Variants in BUB1B observed in about 807,000 individuals in gnomAD.
The protein encoded by BUB1B is BUB1 mitotic checkpoint serine/threonine kinase B, also known as mitotic checkpoint serine/threonine-protein kinase BUB1 beta.
A neutral mutation model predicts 137.7 loss-of-function variants in BUB1B; 86 were observed. The observed-to-expected ratio is 0.62, with a 90% CI of 0.52 to 0.75. BUB1B has a LOEUF of 0.75. BUB1B is among the 30% of genes least tolerant of loss of function. The probability of loss-of-function intolerance (pLI) is 0.00; values close to 1 mark genes in which losing one functional copy is unlikely to be tolerated. For synonymous variants in BUB1B, 420 were observed against 417.9 expected (o/e 1.00, Z -0.06); for missense variants, 1,130 against 1,236.9 (o/e 0.91, Z 1.30).
At position 40,206,583 on chromosome 15, in the gene BUB1B, A is replaced by G. The variant is rs894805413; in HGVS notation, c.2009+125A>G. The G allele has an allele frequency of 2.1e-5, 25 of 1,208,208 alleles. No homozygotes were observed. In the African/African-American group the frequency reaches 3.1e-4, roughly 15 times the overall value. The allele number at this position is 1,208,208 out of a possible 1,614,324, so 74.8% of individuals were successfully genotyped here. On this transcript the variant is annotated intron_variant, in intron 15 of 22. Coordinates refer to ENST00000287598, the MANE Select transcript of BUB1B (RefSeq NM_001211.6). ...TGCCAGGTACTGTGCTAAGTGCTTT[A>G]CATGAGAGTAGGGCTGCCCCAGATG...
Position 40,196,652 on chromosome 15 carries a change from CT to C in BUB1B, c.1167del (p.Glu390ArgfsTer7), listed in dbSNP as rs2037501692. 1 of 1,613,830 alleles carries C rather than the reference CT, an allele frequency of 6.2e-7. No individual in the cohort carries two copies. Among genetic ancestry groups the C allele is most frequent in the Non-Finnish European group, 8.5e-7 (1 of 1,179,924 alleles). ...LQRVQSHQQASEEKKEKMMYC... is the reference protein window; with the variant it reads ...LQRVQSHQQAXEEKKEKMMYC... Reference sequence around the variant, plus strand: ...AGGGTTCAGAGCCATCAGCAAGCGTCTGAGGAGAAGAAAGAGAAGATGATGT... The same window carrying C: ...AGGGTTCAGAGCCATCAGCAAGCGTCGAGGAGAAGAAAGAGAAGATGATGT... On this transcript the variant is annotated frameshift_variant, in exon 9 of 23. Transcript: ENST00000287598. LOFTEE classifies it high-confidence loss of function.
rs1566828630 is a variant in BUB1B at position 40,213,412 on chromosome 15, G to T, written c.2616G>T (p.Met872Ile). 1 of 1,614,102 alleles carries T rather than the reference G, an allele frequency of 6.2e-7. No homozygotes were observed. Among genetic ancestry groups the T allele is most frequent in the Non-Finnish European group, 8.5e-7 (1 of 1,179,958 alleles). ...ATAACCTTTTGACAATAGTGGAGATGCTACACAAAGCAGAAATAGTCCATG... is the reference window on the plus strand; with the variant it reads ...ATAACCTTTTGACAATAGTGGAGATTCTACACAAAGCAGAAATAGTCCATG... ...IIYNLLTIVEMLHKAEIVHGD... is the reference protein window; with the variant it reads ...IIYNLLTIVEILHKAEIVHGD... The change falls in exon 20 of 23, where the codon ATG becomes ATT. Residue 872 changes from methionine to isoleucine, a missense_variant. Met to Ile is a conservative substitution (Grantham distance 10, BLOSUM62 1). Coordinates refer to ENST00000287598, the MANE Select transcript of BUB1B (RefSeq NM_001211.6).
At chr15:40,219,103 G>A (rs940056902) in intron 22 of BUB1B, among the ~76,000 whole-genome samples, 2 of 151,958 alleles carry the variant, frequency 1.3e-5, no homozygotes, top group South Asian at 2.1e-4. Flanking sequence ...GTAGAGATGC[G>A]GTTTCACTAC....
At chr15:40,174,414 G>A (rs2037200686) in intron 4 of BUB1B, among the ~76,000 whole-genome samples, 1 of 152,150 alleles carries the variant, frequency 6.6e-6, no homozygotes, top group Non-Finnish European at 1.5e-5. Flanking sequence ...TTTAGCATTT[G>A]TTGTACTAGA....
Position 40,176,661 on chromosome 15 carries a change from A to G in BUB1B, c.569A>G (p.Gln190Arg), listed in dbSNP as rs746666250. 6.2e-7 allele frequency: 1 copy of G among 1,614,178 alleles called. No individual in the cohort carries two copies. The highest frequency in any genetic ancestry group is 8.5e-7 in the Non-Finnish European group (1 of 1,179,998). The change falls in exon 5 of 23, where the codon CAG (glutamine) becomes CGG (arginine). Residue 190 changes from glutamine (Q) to arginine (R), a missense_variant. By Grantham distance (43) the Gln-to-Arg change is conservative (BLOSUM62 1). Coordinates refer to ENST00000287598, the MANE Select transcript of BUB1B (RefSeq NM_001211.6). The part of the protein sequence containing the change: ...QQKAEPLERL[Q>R]SQHRQFQARV... ...AAGGCTGAACCACTAGAAAGACTACAGTCCCAGCACCGGTAAACTTTCTTT... is the reference window on the plus strand; with the variant it reads ...AAGGCTGAACCACTAGAAAGACTACGGTCCCAGCACCGGTAAACTTTCTTT...
chr15:40,185,151 A>G lies in BUB1B; in HGVS notation c.752-14A>G, dbSNP rs752338582. ...GAAACATTTTACATGAGGTTTTAAT[A>G]TTTTTGCTCCTAGCTCCAAGCCAGA... On this transcript the variant is annotated splice_polypyrimidine_tract_variant and intron_variant, in intron 6 of 22. Transcript: ENST00000287598. 2.5e-6 allele frequency: 4 copies of G among 1,600,830 alleles called. No individual in the cohort carries two copies. The Admixed American group carries it at 6.7e-5, about 27-fold the overall frequency.
chr15:40,209,986 AG>A, intron 17 of BUB1B, 123 bp from the exon 18 acceptor site: 1 of 985,586 alleles, frequency 1.0e-6, no homozygotes. Flanking sequence ...TATTTTTAAA[AG>A]TATTCTAGAT....
intron 8 of BUB1B, among the ~76,000 whole-genome samples, chr15:40,193,296 T>G (rs1397096573): frequency 6.6e-6 from 1 of 152,202 alleles, no homozygotes; most frequent in East Asian, 1.9e-4. Flanking sequence ...GAGCTTCTAT[T>G]GTTCCACATC....
At position 40,176,596 on chromosome 15, in the gene BUB1B, T is replaced by G; in HGVS notation, c.504T>G (p.Phe168Leu). ...AAGAATATGAAGCTAGAGAAAACTT[T>G]AGGAAAGCAGATGCGATATTTCAGG... ...WAEEYEAREN[F>L]RKADAIFQEG... The change falls in exon 5 of 23, where the codon TTT (phenylalanine) becomes TTG (leucine). Residue 168 changes from phenylalanine (F) to leucine (L), a missense_variant. Transcript: ENST00000287598. The G allele has an allele frequency of 1.9e-6, 3 of 1,614,156 alleles. No homozygotes were observed. Among genetic ancestry groups the G allele is most frequent in the East Asian group, 2.2e-5 (1 of 44,860 alleles).
At chr15:40,194,452 ATGATG>A (rs1297738994) in intron 8 of BUB1B, among the ~76,000 whole-genome samples, 2 of 152,178 alleles carry the variant, frequency 1.3e-5, no homozygotes, top group Non-Finnish European at 2.9e-5. Context: ...ACCATGAAGT[ATGATG>A]TTAGTGTGGG....
chr15:40,165,106 A>G lies in BUB1B; in HGVS notation c.89A>G (p.Gln30Arg). The G allele has an allele frequency of 6.2e-7, 1 of 1,614,220 alleles. No homozygotes were observed. ...DEWELSKENV[Q>R]PLRQGRIMST... is the part of the protein sequence containing the mutation. ...TGGGAACTGAGTAAAGAAAATGTAC[A>G]ACCTTTAAGGCAAGGGCGGATCATG... Residue 30 changes from glutamine to arginine, a missense_variant, in exon 2 of 23, where the codon CAA becomes CGA. Gln to Arg is a conservative substitution (Grantham distance 43, BLOSUM62 1). Transcript: ENST00000287598.
At chr15:40,215,156 A>G (rs2037760095) in intron 20 of BUB1B, among the ~76,000 whole-genome samples, 1 of 148,340 alleles carries the variant, frequency 6.7e-6, no homozygotes, top group African/African-American at 2.7e-5. Context: ...GAAATTTCAC[A>G]TAGATTCATA....
At chr15:40,192,851 C>A (rs1436303718) in intron 8 of BUB1B, among the ~76,000 whole-genome samples, 1 of 152,274 alleles carries the variant, frequency 6.6e-6, no homozygotes, top group South Asian at 2.1e-4. Context: ...GGTAGACATT[C>A]ATGTGCAGGT....
chr15:40,206,766 A>G (rs1349293707), intron 15 of BUB1B, among the ~76,000 whole-genome samples: 1 of 152,128 alleles, frequency 6.6e-6, no homozygotes, highest in Non-Finnish European at 1.5e-5. Context: ...TTTTTCTTTA[A>G]TATTGAGTTT....
chr15:40,195,760 C>T (rs1331646691), intron 8 of BUB1B, among the ~76,000 whole-genome samples: 8 of 152,088 alleles, frequency 5.3e-5, no homozygotes, highest in Non-Finnish European at 8.8e-5. Context: ...TTCATATGCT[C>T]GTTGGCCATT....
chr15:40,181,154 C>G (rs988104551), intron 5 of BUB1B, among the ~76,000 whole-genome samples: 2 of 150,544 alleles, frequency 1.3e-5, no homozygotes, highest in African/African-American at 4.9e-5. Flanking sequence ...TGCAGTGGCA[C>G]GATCTCAGCT....
intron 22 of BUB1B, among the ~76,000 whole-genome samples, chr15:40,219,560 A>G (rs2140913503): frequency 1.3e-5 from 2 of 152,232 alleles, no homozygotes; most frequent in Middle Eastern, 6.8e-3. Context: ...TCTACTCAAA[A>G]TACAAGAAAA....
chr15:40,220,422 C>G, intron 22 of BUB1B, 142 bp from the exon 23 acceptor site: 1 of 818,306 alleles, frequency 1.2e-6, no homozygotes, highest in Non-Finnish European at 1.9e-6. Context: ...TTTCAAAGGA[C>G]TATTTGAATG....
At chr15:40,167,980 A>C (rs1015440747) in intron 2 of BUB1B, among the ~76,000 whole-genome samples, 1 of 152,090 alleles carries the variant, frequency 6.6e-6, no homozygotes, top group African/African-American at 2.4e-5. Flanking sequence ...TGTTCTTTTC[A>C]AAATTGCTTT....
Sources: gnomAD v4.1 joint callset for allele counts (sites outside exome capture counted in the v4.1 genomes callset) on GRCh38, gnomAD v4.1.1 for gene constraint, MANE v1.5 for transcripts, NCBI Gene and HGNC (gene_info 2026-07-23, HGNC 2026-07-21) for gene names.